The following TPD52L1 variants were observed in gnomAD, a reference collection of about 807,000 sequenced individuals.
TPD52L1 encodes the protein tumor protein D53.
In TPD52L1, 18 loss-of-function variants were observed where a neutral mutation model predicts 28.7. The ratio of observed to expected loss-of-function variants is 0.63; its 90% CI spans 0.43 to 0.93. The LOEUF is 0.93. Ranked by LOEUF, TPD52L1 falls within the 40% of genes least tolerant of loss-of-function variation. The probability of loss-of-function intolerance (pLI) is 0.00; values close to 1 mark genes in which losing one functional copy is unlikely to be tolerated. For synonymous variants in TPD52L1, 75 were observed against 88.8 expected, an observed-to-expected ratio of 0.84 and a Z score of 0.88; for missense variants, 203 against 254.8, an observed-to-expected ratio of 0.80 and a Z score of 1.39.
At chr6:125,194,311 AAAGGTT>A (rs1463582666) in intron 1 of TPD52L1, among the ~76,000 whole-genome samples, 2 of 152,160 alleles carry the variant, frequency 1.3e-5, no homozygotes, top group African/African-American at 4.8e-5. Flanking sequence ...CTTTCTGTTT[AAAGGTT>A]AAGGCCGTTT....
At chr6:125,234,008 T>C (rs1468770794) in intron 3 of TPD52L1, among the ~76,000 whole-genome samples, 2 of 152,322 alleles carry the variant, frequency 1.3e-5, no homozygotes, top group South Asian at 2.1e-4. Flanking sequence ...TCCAGCCAAA[T>C]TGAGTTTCTG....
chr6:125,260,951 AG>A (rs1797915296), intron 6 of TPD52L1: 2 of 38,448 alleles, frequency 5.2e-5, no homozygotes, highest in African/African-American at 2.9e-4. Context: ...AAAGAAAGAA[AG>A]AAAGAAAGAA....
rs1797038148 is a variant in TPD52L1, at chr6:125,248,276, T to G, written c.285-6T>G. The G allele has an allele frequency of 6.2e-7, 1 of 1,612,034 alleles. No individual in the cohort carries two copies. On this transcript the variant is annotated splice_polypyrimidine_tract_variant and splice_region_variant and intron_variant, in intron 3 of 6. Transcript: ENST00000534000. ...TAAAAACCATGTTGTTCTGTTTTAT[T>G]TCTAGCTACAAGAAAACACATGAAA... is the stretch of plus-strand genomic sequence containing the variant.
chr6:125,235,023 G>C (rs969609877), intron 3 of TPD52L1, among the ~76,000 whole-genome samples: 1 of 151,758 alleles, frequency 6.6e-6, no homozygotes, highest in Non-Finnish European at 1.5e-5. Context: ...GAGCCCAGGA[G>C]ATGGAGGCTG....
rs556879190 is a variant in TPD52L1 at position 125,186,462 on chromosome 6, A to G, written c.19+32492A>G. The stretch of plus-strand genomic sequence containing the variant: ...AGGAACCCAGTATAGCAAAATATAA[A>G]CTACCAAAATTGAGCTAGGGAAAAT... On this transcript the variant is annotated intron_variant, in intron 1 of 6. Transcript: ENST00000534000. 2.8e-4 allele frequency among the ~76,000 whole-genome samples: 42 copies of G among 152,306 alleles called. No individual in the cohort carries two copies. In the Middle Eastern group the frequency reaches 0.017, roughly 62 times the overall value.
At chr6:125,187,927 G>T (rs927442788) in intron 1 of TPD52L1, among the ~76,000 whole-genome samples, 6 of 143,814 alleles carry the variant, frequency 4.2e-5, no homozygotes, top group African/African-American at 1.5e-4. Flanking sequence ...ACTAAACTGA[G>T]ATTTTTTTTT....
intron 3 of TPD52L1, among the ~76,000 whole-genome samples, chr6:125,231,741 G>A (rs889412216): frequency 6.6e-6 from 1 of 152,168 alleles, no homozygotes; most frequent in African/African-American, 2.4e-5. Flanking sequence ...ATAGGACCAA[G>A]TGTGATGTCT....
Position 125,178,492 on chromosome 6 carries a change from A to C in TPD52L1, c.19+24522A>C, listed in dbSNP as rs1265841994. Among the ~76,000 whole-genome samples the C allele has an allele frequency of 2.0e-5, 3 of 152,050 alleles. No homozygotes were observed. In the East Asian group the frequency reaches 5.8e-4, roughly 29 times the overall value. Reference sequence around the variant, plus strand: ...AAAACTTAGCCAGGCGTGGTGGCACATGCCTGTGGTCCCAGCTACTCAGGA... The same window carrying C: ...AAAACTTAGCCAGGCGTGGTGGCACCTGCCTGTGGTCCCAGCTACTCAGGA... On this transcript the variant is annotated intron_variant, in intron 1 of 6. Coordinates refer to ENST00000534000, the MANE Select transcript of TPD52L1 (RefSeq NM_003287.4).
chr6:125,197,109 C>G (rs1793498574), intron 1 of TPD52L1, among the ~76,000 whole-genome samples: 1 of 152,200 alleles, frequency 6.6e-6, no homozygotes, highest in African/African-American at 2.4e-5. Context: ...AAAACAGACT[C>G]ATAATCATGC....
intron 1 of TPD52L1, among the ~76,000 whole-genome samples, chr6:125,156,051 C>T (rs776593577): frequency 3.3e-5 from 5 of 152,204 alleles, no homozygotes; most frequent in Non-Finnish European, 7.3e-5. Flanking sequence ...CAGTCCCCAC[C>T]TGAATCTCCA....
chr6:125,189,579 A>T (rs2114851837), intron 1 of TPD52L1, among the ~76,000 whole-genome samples: 1 of 152,296 alleles, frequency 6.6e-6, no homozygotes. Context: ...CCTGTCATTT[A>T]CTTAATTTTT....
intron 2 of TPD52L1, among the ~76,000 whole-genome samples, chr6:125,227,911 G>A (rs111841247): frequency 1.2e-4 from 19 of 152,216 alleles, no homozygotes; most frequent in African/African-American, 3.9e-4. Context: ...ATGTCCATAC[G>A]AAGCCTTGTA....
intron 4 of TPD52L1, among the ~76,000 whole-genome samples, chr6:125,251,425 G>A (rs1347347330): frequency 1.3e-5 from 2 of 150,480 alleles, no homozygotes; most frequent in Non-Finnish European, 2.9e-5. Flanking sequence ...TACAGATTTT[G>A]TAAAACCTAG....
intron 1 of TPD52L1, among the ~76,000 whole-genome samples, chr6:125,165,103 A>ATTTATATATTTTC (rs1790804038): frequency 1.8e-5 from 1 of 55,342 alleles, no homozygotes; most frequent in Non-Finnish European, 3.1e-5. Context: ...TATATATTTT[A>ATTTATATATTTTC]ACTGTATATA....
intron 1 of TPD52L1, among the ~76,000 whole-genome samples, chr6:125,158,475 A>G (rs963360600): frequency 3.3e-5 from 5 of 152,190 alleles, no homozygotes; most frequent in African/African-American, 9.6e-5. Flanking sequence ...CATTTATATA[A>G]TTTTATCTTG....
At chr6:125,260,976 GAAAAGAA>G (rs527729301) in intron 6 of TPD52L1, 10 of 83,682 alleles carry the variant, frequency 1.2e-4, no homozygotes, top group Admixed American at 3.9e-4. Context: ...AAGAAAGAAA[GAAAAGAA>G]AAGAAAGAAA....
At chr6:125,246,335 A>G (rs1466306350) in intron 3 of TPD52L1, among the ~76,000 whole-genome samples, 1 of 152,146 alleles carries the variant, frequency 6.6e-6, no homozygotes, top group African/African-American at 2.4e-5. Flanking sequence ...CAGAATTTGC[A>G]GTGGTGTGCC....
At chr6:125,177,228 G>A (rs751862925) in intron 1 of TPD52L1, among the ~76,000 whole-genome samples, 12 of 151,964 alleles carry the variant, frequency 7.9e-5, no homozygotes, top group South Asian at 4.2e-4. Flanking sequence ...TTCCAAACCC[G>A]TTTTCTACGT....
At chr6:125,235,791 A>T (rs1000315547) in intron 3 of TPD52L1, among the ~76,000 whole-genome samples, 3 of 152,232 alleles carry the variant, frequency 2.0e-5, no homozygotes, top group African/African-American at 7.2e-5. Flanking sequence ...CTATAATCCC[A>T]GCTGCTGGGG....
Sources: gnomAD v4.1 joint callset for allele counts (sites outside exome capture counted in the v4.1 genomes callset) on GRCh38, gnomAD v4.1.1 for gene constraint, MANE v1.5 for transcripts, NCBI Gene and HGNC (gene_info 2026-07-23, HGNC 2026-07-21) for gene names.